The following BORCS5 variants were observed in gnomAD, a reference collection of about 807,000 sequenced individuals.
The protein encoded by BORCS5 is BLOC-1 related complex subunit 5, also known as BLOC-1-related complex subunit 5.
A neutral mutation model predicts 22.1 loss-of-function variants in BORCS5; 17 were observed. The observed-to-expected ratio is 0.77, with a 90% confidence interval of 0.53 to 1.15. The LOEUF is 1.15. Ranked by LOEUF, BORCS5 falls within the 50% of genes most tolerant of loss-of-function variation. The pLI, the probability that BORCS5 is intolerant of heterozygous loss-of-function variation, is 0.00. For missense variants in BORCS5, 247 were observed against 253.2 expected (o/e 0.98, Z 0.17); for synonymous variants, 117 against 99.8 (o/e 1.17, Z -1.03).
chr12:12,376,083 G>A lies in BORCS5; in HGVS notation c.202+14734G>A, dbSNP rs113243078. Among the ~76,000 whole-genome samples, 596 of 152,258 alleles carry A rather than the reference G, an allele frequency of 3.9e-3. 12 individuals carry two copies. Among genetic ancestry groups the A allele is most frequent in the African/African-American group, 0.014 (571 of 41,548 alleles). On this transcript the variant is annotated intron_variant, in intron 2 of 3. Transcript: ENST00000314565. Reference sequence around the variant, plus strand: ...CTCCCAAAGTGTTGGGATTACAGGTGTGAGCCACCATGCCTGGTCTGTAAT... The same window carrying A: ...CTCCCAAAGTGTTGGGATTACAGGTATGAGCCACCATGCCTGGTCTGTAAT...
At chr12:12,430,394 G>T (rs551995661) in intron 2 of BORCS5, among the ~76,000 whole-genome samples, 1 of 152,000 alleles carries the variant, frequency 6.6e-6, no homozygotes, top group African/African-American at 2.4e-5. Context: ...CTCGTGATTC[G>T]CCTGCCTTGG....
chr12:12,461,995 T>C (rs762745805), intron 3 of BORCS5, among the ~76,000 whole-genome samples: 2 of 152,234 alleles, frequency 1.3e-5, no homozygotes, highest in Non-Finnish European at 2.9e-5. Flanking sequence ...TTTCCTGGAA[T>C]AGTAAAGTCA....
chr12:12,450,920 GTTATACATTA>G (rs1222239902), intron 3 of BORCS5, among the ~76,000 whole-genome samples: 3 of 152,142 alleles, frequency 2.0e-5, no homozygotes. Flanking sequence ...AGCTGTAACT[GTTATACATTA>G]TTTTATTACA....
chr12:12,406,531 T>C (rs1941599284), intron 2 of BORCS5, among the ~76,000 whole-genome samples: 1 of 152,230 alleles, frequency 6.6e-6, no homozygotes, highest in East Asian at 1.9e-4. Context: ...AGTCCTGGCA[T>C]TAGTATTTCA....
intron 3 of BORCS5, among the ~76,000 whole-genome samples, chr12:12,445,694 C>A (rs1304759174): frequency 1.3e-5 from 2 of 151,522 alleles, no homozygotes; most frequent in African/African-American, 4.9e-5. Flanking sequence ...AGTGCAGTGG[C>A]ACAATCATAG....
At chr12:12,408,142 CTT>C (rs570587071) in intron 2 of BORCS5, among the ~76,000 whole-genome samples, 1 of 152,164 alleles carries the variant, frequency 6.6e-6, no homozygotes, top group African/African-American at 2.4e-5. Context: ...ATTTCATTCT[CTT>C]TTTTAAGGCT....
intron 3 of BORCS5, among the ~76,000 whole-genome samples, chr12:12,441,598 T>G (rs777778394): frequency 2.0e-5 from 3 of 152,180 alleles, no homozygotes; most frequent in African/African-American, 4.8e-5. Flanking sequence ...CTATCCTAAT[T>G]GCCATGAATT....
chr12:12,425,118 C>T (rs1218218567), intron 2 of BORCS5, among the ~76,000 whole-genome samples: 1 of 152,164 alleles, frequency 6.6e-6, no homozygotes, highest in Non-Finnish European at 1.5e-5. Flanking sequence ...CCTGCTGTCT[C>T]CCACAAACTG....
intron 2 of BORCS5, among the ~76,000 whole-genome samples, chr12:12,385,102 T>C (rs538078376): frequency 6.6e-6 from 1 of 151,518 alleles, no homozygotes; most frequent in South Asian, 2.1e-4. Flanking sequence ...TCAAATCTTA[T>C]CTTTTGTTCA....
At chr12:12,401,927 T>C (rs7960048) in intron 2 of BORCS5, among the ~76,000 whole-genome samples, 2 of 151,364 alleles carry the variant, frequency 1.3e-5, no homozygotes, top group Non-Finnish European at 2.9e-5. Context: ...TTAGCTGGGC[T>C]TGGTGGTGGG....
intron 3 of BORCS5, among the ~76,000 whole-genome samples, chr12:12,440,819 A>G (rs968965819): frequency 6.6e-6 from 1 of 152,230 alleles, no homozygotes; most frequent in Non-Finnish European, 1.5e-5. Flanking sequence ...CCTCTGGTCC[A>G]GTGCTCTCAT....
chr12:12,457,332 A>G (rs747777731), intron 3 of BORCS5, among the ~76,000 whole-genome samples: 6 of 152,246 alleles, frequency 3.9e-5, no homozygotes, highest in Non-Finnish European at 7.3e-5. Flanking sequence ...GTCTGATGCT[A>G]CTGTCGTTAT....
intron 2 of BORCS5, among the ~76,000 whole-genome samples, chr12:12,407,576 C>A (rs1941620884): frequency 1.3e-5 from 2 of 152,086 alleles, no homozygotes; most frequent in Non-Finnish European, 2.9e-5. Flanking sequence ...AGTATCATGA[C>A]CTTCCATCTC....
chr12:12,404,291 CA>C (rs1941545478), intron 2 of BORCS5, among the ~76,000 whole-genome samples: 1 of 152,178 alleles, frequency 6.6e-6, no homozygotes, highest in South Asian at 2.1e-4. Flanking sequence ...CCATTTATAA[CA>C]AAATACTGGA....
At chr12:12,410,576 A>G (rs2136084923) in intron 2 of BORCS5, among the ~76,000 whole-genome samples, 1 of 152,064 alleles carries the variant, frequency 6.6e-6, no homozygotes, top group East Asian at 1.9e-4. Flanking sequence ...GTTCTGTTCC[A>G]TTGGTCTATA....
chr12:12,377,854 A>T (rs1863689187), intron 2 of BORCS5, among the ~76,000 whole-genome samples: 1 of 152,218 alleles, frequency 6.6e-6, no homozygotes, highest in Non-Finnish European at 1.5e-5. Context: ...AAGGATAGGA[A>T]AATGCAGGCA....
Position 12,357,331 on chromosome 12 carries a change from C to T in BORCS5, c.-121C>T. On this transcript the variant is annotated 5_prime_UTR_variant, in exon 1 of 4. Transcript: ENST00000314565. Reference sequence around the variant, plus strand: ...GCGTCAGCCCCACACATTAGCCTCGCTGCGGCGCCCAGACTCTGCTTTGCC... The same window carrying T: ...GCGTCAGCCCCACACATTAGCCTCGTTGCGGCGCCCAGACTCTGCTTTGCC... The T allele has an allele frequency of 6.8e-7, 1 of 1,478,530 alleles. No individual in the cohort carries two copies. The highest frequency in any genetic ancestry group is 9.0e-7 in the Non-Finnish European group (1 of 1,108,770). 91.6% of individuals were successfully genotyped at this position (1,478,530 alleles called of 1,614,324 possible).
At chr12:12,452,427 A>T in intron 3 of BORCS5, 1 of 544,510 alleles carries the variant, frequency 1.8e-6, no homozygotes, top group Non-Finnish European at 3.7e-6. Context: ...TAGGGCTGGT[A>T]GAACTTGGAG....
intron 2 of BORCS5, 61 bp from the exon 3 acceptor site, chr12:12,435,567 C>T (rs1038627429): frequency 7.0e-7 from 1 of 1,427,574 alleles, no homozygotes. Flanking sequence ...TGTTAAACTA[C>T]TTTATTCACA....
Sources: gnomAD v4.1 joint callset for allele counts (sites outside exome capture counted in the v4.1 genomes callset) on GRCh38, gnomAD v4.1.1 for gene constraint, MANE v1.5 for transcripts, NCBI Gene and HGNC (gene_info 2026-07-23, HGNC 2026-07-21) for gene names.